Variants in SLC38A6 observed in about 807,000 individuals in gnomAD.
SLC38A6 encodes solute carrier family 38 member 6, also known as N system amino acid transporter NAT-1.
A neutral mutation model predicts 65.0 loss-of-function variants in SLC38A6; 73 were observed. The observed-to-expected ratio is 1.12, with a 90% CI of 0.93 to 1.37. The LOEUF is 1.37. Among genes scored for constraint, SLC38A6 ranks in the 40% most tolerant of loss-of-function variants. SLC38A6 has a pLI of 0.00. For synonymous variants in SLC38A6, 183 were observed against 178.8 expected (o/e 1.02, Z -0.19); for missense variants, 561 against 531.1 (o/e 1.06, Z -0.55).
rs2043303413 is a variant in SLC38A6, at chr14:61,073,678, GC to G, written c.1291-5129del. The stretch of plus-strand genomic sequence containing the variant: ...ACATGAATGCAAGTTGAAATAATAT[GC>G]CCATATACCTACCACTGAAACTTAG... On this transcript the variant is annotated intron_variant, in intron 15 of 16. Transcript: ENST00000354886. Among the ~76,000 whole-genome samples the G allele has an allele frequency of 4.6e-5, 7 of 152,116 alleles. No individual in the cohort carries two copies. The South Asian group carries it at 1.5e-3, about 32-fold the overall frequency.
intron 5 of SLC38A6, among the ~76,000 whole-genome samples, chr14:61,028,801 A>G (rs2139647331): frequency 6.6e-6 from 1 of 152,288 alleles, no homozygotes; most frequent in South Asian, 2.1e-4. Context: ...ACATAAATAC[A>G]TGTTATTTTA....
intron 5 of SLC38A6, among the ~76,000 whole-genome samples, chr14:61,029,668 T>TA (rs2040829273): frequency 6.6e-6 from 1 of 152,202 alleles, no homozygotes; most frequent in African/African-American, 2.4e-5. Context: ...TTAGGATCGT[T>TA]ATTAAAGTGC....
chr14:61,018,975 G>T (rs1195059985), intron 4 of SLC38A6, among the ~76,000 whole-genome samples: 1 of 152,098 alleles, frequency 6.6e-6, no homozygotes. Context: ...AACTCCCATT[G>T]TCTTATATTC....
chr14:61,072,218 T>C (rs1314330185), intron 15 of SLC38A6, among the ~76,000 whole-genome samples: 1 of 152,144 alleles, frequency 6.6e-6, no homozygotes, highest in East Asian at 1.9e-4. Context: ...TTTTATTTTA[T>C]TTTATTTTTA....
chr14:61,079,360 C>A (rs568485301), intron 16 of SLC38A6, among the ~76,000 whole-genome samples: 2 of 152,088 alleles, frequency 1.3e-5, no homozygotes, highest in African/African-American at 4.8e-5. Context: ...TGGTCTCGAA[C>A]TTCTGACCTC....
chr14:61,052,182 T>G (rs780499913), intron 15 of SLC38A6, 47 bp downstream of exon 15: 1 of 1,450,554 alleles, frequency 6.9e-7, no homozygotes, highest in African/African-American at 1.5e-5. Flanking sequence ...TTTTAAGAAA[T>G]AGTTTGTCAG....
intron 7 of SLC38A6, 46 bp from the exon 8 acceptor site, chr14:61,037,579 A>T (rs1437603275): frequency 7.3e-7 from 1 of 1,376,712 alleles, no homozygotes. Context: ...GTACGTTAAA[A>T]TCGCTTTCCT....
chr14:61,001,647 T>C (rs548750655), intron 3 of SLC38A6, among the ~76,000 whole-genome samples: 94 of 152,322 alleles, frequency 6.2e-4, no homozygotes, highest in Non-Finnish European at 1.1e-3. Flanking sequence ...TTTTTGGTGA[T>C]TGCCTCTCTA....
chr14:61,070,598 T>C (rs6573355), intron 15 of SLC38A6, among the ~76,000 whole-genome samples: 141,540 of 152,276 alleles, frequency 0.93, 66,193 homozygotes, highest in Non-Finnish European at 0.99. Context: ...CTGTATCATA[T>C]GGTAGTTCTA....
At chr14:61,008,300 C>T (rs2149300) in intron 3 of SLC38A6, among the ~76,000 whole-genome samples, 141,723 of 152,156 alleles carry the variant, frequency 0.93, 66,395 homozygotes, top group Non-Finnish European at 0.99. Flanking sequence ...ATTCCACTGA[C>T]TTCTTTCTAA....
chr14:60,994,018 C>T (rs2038093907), intron 3 of SLC38A6, among the ~76,000 whole-genome samples: 3 of 152,212 alleles, frequency 2.0e-5, no homozygotes, highest in Non-Finnish European at 4.4e-5. Context: ...CTTTGGAATA[C>T]AGTTTGGCAG....
In SLC38A6 at chr14:61,019,558, C is replaced by T. The variant is rs2139576286; in HGVS notation, c.381C>T (p.Thr127=). 3 of 1,613,266 alleles carry T rather than the reference C, an allele frequency of 1.9e-6. No homozygotes were observed. Among genetic ancestry groups the T allele is most frequent in the East Asian group, 2.2e-5 (1 of 44,820 alleles). ...TTTTACAGTTGGTGGTGGCAGGCAC[C>T]ATAATAATTCAGAATATTGGAGGTA... ...GLPGKLVVAG[T]IIIQNIGAMS... is the part of the protein sequence containing the mutation. Residue 127 remains threonine (T), a synonymous_variant, in exon 5 of 16, where the codon ACC becomes ACT. Coordinates refer to ENST00000267488, the MANE Select transcript of SLC38A6 (RefSeq NM_153811.3).
intron 3 of SLC38A6, among the ~76,000 whole-genome samples, chr14:61,015,404 A>G (rs935237937): frequency 6.6e-6 from 1 of 152,144 alleles, no homozygotes; most frequent in African/African-American, 2.4e-5. Flanking sequence ...CCCACTGTCC[A>G]ACACTCCCCA....
At chr14:61,025,066 A>G (rs756140217) in intron 5 of SLC38A6, among the ~76,000 whole-genome samples, 4 of 152,204 alleles carry the variant, frequency 2.6e-5, no homozygotes, top group Non-Finnish European at 5.9e-5. Context: ...TGAAATTGCT[A>G]GAATGACCCA....
chr14:61,062,952 T>C (rs2042902681), intron 15 of SLC38A6, among the ~76,000 whole-genome samples: 1 of 152,236 alleles, frequency 6.6e-6, no homozygotes, highest in Non-Finnish European at 1.5e-5. Context: ...GTGCTGAGAT[T>C]ACAGGCATGA....
intron 5 of SLC38A6, among the ~76,000 whole-genome samples, chr14:61,029,242 G>A (rs755388189): frequency 1.7e-4 from 25 of 146,244 alleles, no homozygotes; most frequent in African/African-American, 5.8e-4. Context: ...TGCAACCTCC[G>A]CCTTCCAGTT....
In SLC38A6 at chr14:61,046,079, A is replaced by G. The variant is rs2042129821; in HGVS notation, c.837A>G (p.Lys279=). The G allele has an allele frequency of 6.2e-7, 1 of 1,606,142 alleles. No homozygotes were observed. The highest frequency in any genetic ancestry group is 1.3e-5 in the African/African-American group (1 of 74,710). ...TTTTGTCTTTTAGTCCTTCAAAGAA[A>G]AGAATGCAGAATGTTACCAATACAG... ...IYCELQSPSK[K]RMQNVTNTAI... The change falls in exon 12 of 16, where the codon AAA becomes AAG. Residue 279 remains lysine, a synonymous_variant. Coordinates refer to ENST00000267488, the MANE Select transcript of SLC38A6 (RefSeq NM_153811.3).
At chr14:61,065,824 C>T (rs1468697930) in intron 15 of SLC38A6, among the ~76,000 whole-genome samples, 3 of 152,188 alleles carry the variant, frequency 2.0e-5, no homozygotes, top group Non-Finnish European at 4.4e-5. Context: ...TCTTCTCTGT[C>T]CTGCATGTTT....
chr14:61,048,489 G>A (rs995527204), intron 12 of SLC38A6, among the ~76,000 whole-genome samples: 4 of 152,150 alleles, frequency 2.6e-5, no homozygotes, highest in Non-Finnish European at 4.4e-5. Context: ...AGGGAAGCAT[G>A]CACCACTCTA....
Sources: gnomAD v4.1 joint callset for allele counts (sites outside exome capture counted in the v4.1 genomes callset) on GRCh38, gnomAD v4.1.1 for gene constraint, MANE v1.5 for transcripts, NCBI Gene and HGNC (gene_info 2026-07-23, HGNC 2026-07-21) for gene names.